EBF1: variants seen among roughly 807,000 people sequenced by gnomAD.
The protein encoded by EBF1 is EBF transcription factor 1, also known as transcription factor COE1.
Under a neutral mutation model 68.4 loss-of-function variants are expected in EBF1, and 10 were observed. The observed-to-expected ratio is 0.15, with a 90% CI of 0.09 to 0.25. EBF1 has a LOEUF of 0.25. EBF1 is among the 10% of genes least tolerant of loss of function. The pLI, the probability that EBF1 is intolerant of heterozygous loss-of-function variation, is 1.00. For missense variants in EBF1, 509 were observed against 794.4 expected, an observed-to-expected ratio of 0.64 and a Z score of 4.32; for synonymous variants, 298 against 299.8, an observed-to-expected ratio of 0.99 and a Z score of 0.06.
intron 10 of EBF1, among the ~76,000 whole-genome samples, chr5:158,743,193 G>A (rs1183261292): frequency 2.0e-5 from 3 of 152,208 alleles, no homozygotes; most frequent in Admixed American, 2.0e-4. Context: ...TTAATTCTCT[G>A]TAGTAGAGTC....
chr5:159,028,274 C>T (rs2127735076), intron 6 of EBF1, among the ~76,000 whole-genome samples: 1 of 152,242 alleles, frequency 6.6e-6, no homozygotes, highest in South Asian at 2.1e-4. Flanking sequence ...GATATTCCCT[C>T]ATTTCATTCT....
chr5:159,052,654 G>A (rs575375920), intron 6 of EBF1, among the ~76,000 whole-genome samples: 1 of 152,334 alleles, frequency 6.6e-6, no homozygotes, highest in East Asian at 1.9e-4. Context: ...AGACTGGACG[G>A]ATCCTTTACC....
rs139034679 is a variant in EBF1, at chr5:159,083,791, TTAG to T, written c.485+872_485+874del. ...AGAGCCTGCATGGTTAACAAAGCAA[TTAG>T]TAGCCTTTCTCTGATGCACAGTGGC... On this transcript the variant is annotated intron_variant, in intron 5 of 15. Coordinates refer to ENST00000313708, the MANE Select transcript of EBF1 (RefSeq NM_024007.5). Among the ~76,000 whole-genome samples, 344 of 152,336 alleles carry T rather than the reference TTAG, an allele frequency of 2.3e-3. 3 individuals carry two copies. Among genetic ancestry groups the T allele is most frequent in the East Asian group, 7.7e-3 (40 of 5,194 alleles).
chr5:158,807,088 C>A (rs760646805), intron 8 of EBF1, among the ~76,000 whole-genome samples: 2 of 152,144 alleles, frequency 1.3e-5, no homozygotes, highest in Non-Finnish European at 2.9e-5. Context: ...TCCATCATCA[C>A]AGGAAGTTCA....
At chr5:159,073,584 G>T (rs960304076) in intron 5 of EBF1, 120 bp from the exon 6 acceptor site, 16 of 1,004,124 alleles carry the variant, frequency 1.6e-5, no homozygotes, top group Middle Eastern at 2.1e-4. Context: ...AGCCATACCT[G>T]GCAATCAACG....
At position 159,057,406 on chromosome 5, in the gene EBF1, C is replaced by T. The variant is rs116161016; in HGVS notation, c.554+15990G>A. On this transcript the variant is annotated intron_variant, in intron 6 of 15. Transcript: ENST00000313708. ...ACTAAGCATGAGCCACCGCGCCTGA[C>T]GGACTGTTATAATTTCTGAGAAACA... Among the ~76,000 whole-genome samples, 762 of 152,304 alleles carry T rather than the reference C, an allele frequency of 5.0e-3. 8 individuals carry two copies. The highest frequency in any genetic ancestry group is 0.018 in the African/African-American group (728 of 41,568).
intron 10 of EBF1, among the ~76,000 whole-genome samples, chr5:158,766,041 G>A (rs2116727): frequency 0.066 from 10,085 of 152,146 alleles, 438 homozygotes; most frequent in East Asian, 0.16. Flanking sequence ...ACTTTAAATC[G>A]GTAGGGGCAT....
chr5:158,750,936 GATAA>G (rs1228502853), intron 10 of EBF1, among the ~76,000 whole-genome samples: 2 of 152,020 alleles, frequency 1.3e-5, no homozygotes, highest in Non-Finnish European at 2.9e-5. Context: ...ATAGTGAATG[GATAA>G]ATAAATATAG....
intron 4 of EBF1, among the ~76,000 whole-genome samples, chr5:159,088,385 A>G (rs1336091513): frequency 6.6e-6 from 1 of 152,174 alleles, no homozygotes; most frequent in Admixed American, 6.5e-5. Context: ...ATCTACATTT[A>G]GCATACACAT....
intron 11 of EBF1, among the ~76,000 whole-genome samples, chr5:158,726,949 C>A (rs866554363): frequency 1.3e-5 from 2 of 152,202 alleles, no homozygotes; most frequent in South Asian, 4.1e-4. Context: ...TAGTGGCCCC[C>A]ATTTACTGGA....
chr5:158,817,886 A>C (rs1380653342), intron 8 of EBF1, among the ~76,000 whole-genome samples: 2 of 152,220 alleles, frequency 1.3e-5, no homozygotes, highest in African/African-American at 2.4e-5. Context: ...AGCGATTTCA[A>C]GTCCACCTTA....
intron 6 of EBF1, among the ~76,000 whole-genome samples, chr5:158,885,000 A>G (rs2128098294): frequency 6.6e-6 from 1 of 152,324 alleles, no homozygotes; most frequent in South Asian, 2.1e-4. Flanking sequence ...AATGGAGAGA[A>G]GGGGTGCTCC....
intron 6 of EBF1, among the ~76,000 whole-genome samples, chr5:159,047,935 A>C (rs1406942622): frequency 1.3e-5 from 2 of 152,134 alleles, no homozygotes; most frequent in African/African-American, 2.4e-5. Flanking sequence ...CCAACCCAGA[A>C]CTGTCTGCAT....
chr5:159,020,089 A>C (rs1232045752), intron 6 of EBF1, among the ~76,000 whole-genome samples: 2 of 151,066 alleles, frequency 1.3e-5, no homozygotes, highest in African/African-American at 4.9e-5. Flanking sequence ...TTTTCAAAGG[A>C]CCCCTGTTGC....
intron 6 of EBF1, among the ~76,000 whole-genome samples, chr5:159,047,787 CG>C (rs1772727049): frequency 6.6e-6 from 1 of 152,122 alleles, no homozygotes; most frequent in Admixed American, 6.5e-5. Flanking sequence ...TTCCCTCCCA[CG>C]GGGGTATAAC....
At chr5:158,996,613 G>A (rs1035247610) in intron 6 of EBF1, among the ~76,000 whole-genome samples, 3 of 152,078 alleles carry the variant, frequency 2.0e-5, no homozygotes, top group African/African-American at 4.8e-5. Flanking sequence ...AAAGTGAGGC[G>A]AATCTTAACA....
At chr5:159,076,703 C>T (rs767199573) in intron 5 of EBF1, among the ~76,000 whole-genome samples, 7 of 152,204 alleles carry the variant, frequency 4.6e-5, no homozygotes, top group African/African-American at 7.2e-5. Flanking sequence ...CACTGCATCA[C>T]ATAGTCATTA....
At chr5:159,099,210 G>A (rs1783188022) in intron 1 of EBF1, 135 bp downstream of exon 1, 1 of 607,794 alleles carries the variant, frequency 1.6e-6, no homozygotes, top group South Asian at 7.5e-5. Context: ...CCCCGGCGGA[G>A]AGCGGAGCGC....
At chr5:159,089,627 G>A (rs909610742) in intron 4 of EBF1, among the ~76,000 whole-genome samples, 3 of 152,158 alleles carry the variant, frequency 2.0e-5, no homozygotes, top group East Asian at 1.9e-4. Flanking sequence ...TGTGTTCCAC[G>A]ACAAAATAAA....
Sources: gnomAD v4.1 joint callset for allele counts (sites outside exome capture counted in the v4.1 genomes callset) on GRCh38, gnomAD v4.1.1 for gene constraint, MANE v1.5 for transcripts, NCBI Gene and HGNC (gene_info 2026-07-23, HGNC 2026-07-21) for gene names.